Variants in HDAC9 observed in about 807,000 individuals in gnomAD.
HDAC9 encodes histone deacetylase 9, also known as MEF-2 interacting transcription repressor (MITR) protein.
Under a neutral mutation model 139.4 loss-of-function variants are expected in HDAC9, and 41 were observed. The observed-to-expected ratio is 0.29, with a 90% CI of 0.23 to 0.38. The LOEUF (loss-of-function observed/expected upper bound fraction) is 0.38, where lower values mean the gene tolerates loss of function less well. Ranked by LOEUF, HDAC9 falls within the 10% of genes least tolerant of loss-of-function variation. The pLI, the probability that HDAC9 is intolerant of heterozygous loss-of-function variation, is 1.00. For synonymous variants in HDAC9, 517 were observed against 476.2 expected (o/e 1.09, Z -1.12); for missense variants, 1,147 against 1,297.0 (o/e 0.88, Z 1.78).
At chr7:18,462,733 T>C (rs751643960) in intron 1 of HDAC9, among the ~76,000 whole-genome samples, 3 of 152,076 alleles carry the variant, frequency 2.0e-5, no homozygotes, top group African/African-American at 7.2e-5. Context: ...TACTGCTGTA[T>C]AATATCTACT....
chr7:18,822,176 G>C (rs1795024533), intron 17 of HDAC9, among the ~76,000 whole-genome samples: 1 of 152,126 alleles, frequency 6.6e-6, no homozygotes, highest in Non-Finnish European at 1.5e-5. Context: ...CAGAGGTTGG[G>C]CTGTGGGGAT....
rs1786683289 is a variant in HDAC9, at chr7:19,000,190, T to G, written c.*4128T>G. 6.6e-6 allele frequency: 1 copy of G among 152,244 alleles called. No individual in the cohort carries two copies. Among genetic ancestry groups the G allele is most frequent in the Non-Finnish European group, 1.5e-5 (1 of 68,044 alleles). The allele number at this position is 152,244 out of a possible 1,614,324, so 9.4% of individuals were successfully genotyped here. On this transcript the variant is annotated 3_prime_UTR_variant, in exon 26 of 26. Coordinates refer to ENST00000686413, the MANE Select transcript of HDAC9 (RefSeq NM_178425.4). ...ATGGTCATGATCATCATCAAATTTC[T>G]TGTTTCCAAAGGCCACTATTGTAGT...
Position 18,908,642 on chromosome 7 carries a change from G to C in HDAC9, c.2804-27167G>C, listed in dbSNP as rs1275061816. On this transcript the variant is annotated intron_variant, in intron 22 of 25. Coordinates refer to ENST00000686413, the MANE Select transcript of HDAC9 (RefSeq NM_178425.4). Reference sequence around the variant, plus strand: ...TTCCACATGTAAGTGAGATTGTGCGGTATTTATTTTTTTTGTGCCTGCATT... The same window carrying C: ...TTCCACATGTAAGTGAGATTGTGCGCTATTTATTTTTTTTGTGCCTGCATT... 3.3e-5 allele frequency among the ~76,000 whole-genome samples: 5 copies of C among 151,802 alleles called. No homozygotes were observed. The East Asian group carries it at 9.7e-4, about 29-fold the overall frequency.
At chr7:18,832,180 A>G (rs1014108691) in intron 19 of HDAC9, among the ~76,000 whole-genome samples, 3 of 152,250 alleles carry the variant, frequency 2.0e-5, no homozygotes, top group Non-Finnish European at 4.4e-5. Flanking sequence ...TTGTCCTACA[A>G]GTAAGACTGT....
chr7:18,767,122 G>GT lies in HDAC9; in HGVS notation c.2188dup (p.Ser730PhefsTer13). On this transcript the variant is annotated frameshift_variant, in exon 16 of 26. Coordinates refer to ENST00000686413, the MANE Select transcript of HDAC9 (RefSeq NM_178425.4). LOFTEE classifies it high-confidence loss of function. Reference sequence around the variant, plus strand: ...ACTGTATAGGTGATGACTCTCAAAAGTTTTTTTCCTCATTACCTTGTGGTG... The same window carrying GT: ...ACTGTATAGGTGATGACTCTCAAAAGTTTTTTTTCCTCATTACCTTGTGGTG... 3.2e-6 allele frequency: 5 copies of GT among 1,572,976 alleles called. No individual in the cohort carries two copies. The highest frequency in any genetic ancestry group is 4.3e-6 in the Non-Finnish European group (5 of 1,154,254).
intron 1 of HDAC9, among the ~76,000 whole-genome samples, chr7:18,097,490 G>A (rs1257231635): frequency 7.5e-5 from 11 of 146,764 alleles, no homozygotes; most frequent in African/African-American, 2.7e-4. Context: ...TAATGACCCA[G>A]GTTATCTTGC....
At chr7:18,633,701 A>G (rs1368789137) in intron 7 of HDAC9, among the ~76,000 whole-genome samples, 1 of 152,068 alleles carries the variant, frequency 6.6e-6, no homozygotes, top group East Asian at 1.9e-4. Context: ...GCAGCTAGGA[A>G]GATTTTGAAA....
rs552341389 is a variant in HDAC9 at position 18,667,536 on chromosome 7, A to G, written c.1731+1060A>G. On this transcript the variant is annotated intron_variant, in intron 12 of 25. Transcript: ENST00000686413. ...GGAGGACTATGTCCTTTGATGCTAT[A>G]AAATACAAACAACTTTGAAGGCAAC... 1.6e-4 allele frequency: 159 copies of G among 985,278 alleles called. No individual in the cohort carries two copies. The Admixed American group carries it at 1.8e-3, about 11-fold the overall frequency. The allele number at this position is 985,278 out of a possible 1,614,324, so 61.0% of individuals were successfully genotyped here.
intron 2 of HDAC9, among the ~76,000 whole-genome samples, chr7:18,274,002 T>C (rs913498319): frequency 3.9e-5 from 6 of 152,186 alleles, no homozygotes; most frequent in Admixed American, 1.3e-4. Flanking sequence ...TGGTGACACC[T>C]GGGAGAAAAT....
intron 2 of HDAC9, among the ~76,000 whole-genome samples, chr7:18,202,295 A>G (rs942242924): frequency 1.3e-5 from 2 of 152,078 alleles, no homozygotes; most frequent in Non-Finnish European, 2.9e-5. Context: ...TCCAATGTTT[A>G]TCTCTTTTTT....
rs139737788 is a variant in HDAC9, at chr7:18,923,052, T to C, written c.2804-12757T>C. Among the ~76,000 whole-genome samples the C allele has an allele frequency of 3.0e-3, 459 of 152,188 alleles. 3 individuals carry two copies. The highest frequency in any genetic ancestry group is 0.01 in the African/African-American group (417 of 41,540). ...AATGATAAAAGCTTTATTCCTTTAA[T>C]AGTCACTATGAATTTCTTTTGTCAC... On this transcript the variant is annotated intron_variant, in intron 22 of 25. Transcript: ENST00000686413.
chr7:18,388,702 G>A (rs1024335720), intron 1 of HDAC9, among the ~76,000 whole-genome samples: 1 of 152,124 alleles, frequency 6.6e-6, no homozygotes, highest in Non-Finnish European at 1.5e-5. Context: ...GCCACCTTGA[G>A]TCCATCTGAA....
chr7:18,856,961 T>C (rs151124965), intron 21 of HDAC9, among the ~76,000 whole-genome samples: 15 of 152,282 alleles, frequency 9.9e-5, no homozygotes, highest in African/African-American at 3.4e-4. Flanking sequence ...GAAATCACAG[T>C]GCAGTTATTC....
intron 2 of HDAC9, among the ~76,000 whole-genome samples, chr7:18,500,291 A>T (rs1368587185): frequency 6.6e-6 from 1 of 152,198 alleles, no homozygotes; most frequent in African/African-American, 2.4e-5. Flanking sequence ...CAATTTTAAA[A>T]TGTGCCTCAT....
intron 23 of HDAC9, among the ~76,000 whole-genome samples, chr7:18,953,311 T>A (rs770723986): frequency 1.7e-4 from 26 of 152,270 alleles, no homozygotes; most frequent in Non-Finnish European, 3.5e-4. Flanking sequence ...GACAACTATT[T>A]TATTTGCAAG....
chr7:18,727,890 C>T (rs1785684969), intron 13 of HDAC9, 133 bp downstream of exon 13: 2 of 620,498 alleles, frequency 3.2e-6, no homozygotes, highest in African/African-American at 1.9e-5. Context: ...CCAAATTTTA[C>T]GAGGTTATAT....
intron 17 of HDAC9, among the ~76,000 whole-genome samples, chr7:18,795,447 T>C (rs1345511137): frequency 2.0e-5 from 3 of 152,128 alleles, no homozygotes; most frequent in Non-Finnish European, 4.4e-5. Flanking sequence ...GGCACTGGCA[T>C]TTTGAGCTAT....
At chr7:18,759,646 C>A (rs1347375266) in intron 14 of HDAC9, among the ~76,000 whole-genome samples, 1 of 152,122 alleles carries the variant, frequency 6.6e-6, no homozygotes, top group Non-Finnish European at 1.5e-5. Context: ...CATCCTGAAG[C>A]CATCTCCTCC....
intron 1 of HDAC9, among the ~76,000 whole-genome samples, chr7:18,418,286 A>G (rs1417408903): frequency 2.0e-5 from 3 of 152,174 alleles, no homozygotes; most frequent in Non-Finnish European, 2.9e-5. Context: ...CTTAACTACC[A>G]AAGTGTCCAC....
Sources: allele counts gnomAD v4.1 joint callset (sites outside exome capture counted in the v4.1 genomes callset), GRCh38; gene constraint gnomAD v4.1.1; transcripts MANE v1.5; gene names NCBI Gene and HGNC (gene_info 2026-07-23, HGNC 2026-07-21).